Variants in BAIAP2 observed in about 807,000 individuals in gnomAD.
The protein encoded by BAIAP2 is BAR/IMD domain containing adaptor protein 2, also known as BAR/IMD domain-containing adapter protein 2.
In BAIAP2, 18 loss-of-function variants were observed where a neutral mutation model predicts 63.0. That is an observed-to-expected ratio of 0.29 (90% CI 0.20 to 0.42). BAIAP2 has a LOEUF of 0.42. Among genes scored for constraint, BAIAP2 ranks in the 10% least tolerant of loss-of-function variants. The pLI, the probability that BAIAP2 is intolerant of heterozygous loss-of-function variation, is 1.00. For synonymous variants in BAIAP2, 386 were observed against 307.6 expected, an observed-to-expected ratio of 1.25 and a Z score of -2.67; for missense variants, 610 against 734.3, an observed-to-expected ratio of 0.83 and a Z score of 1.96.
intron 1 of BAIAP2, chr17:81,053,350 C>T (rs1173173450): frequency 1.3e-5 from 4 of 307,774 alleles, no homozygotes; most frequent in African/African-American, 2.2e-5. Flanking sequence ...GGCAGCGGCG[C>T]GTCTGAGCGC....
chr17:81,109,612 G>A lies in BAIAP2; in HGVS notation c.1535+1103G>A, dbSNP rs1455379578. ...GTGCCAAGCTCGAGGGGCCTCCTGAGGAAGCCGGCCGCTCCTGTGAGGGAG... is the reference window on the plus strand; with the variant it reads ...GTGCCAAGCTCGAGGGGCCTCCTGAAGAAGCCGGCCGCTCCTGTGAGGGAG... On this transcript the variant is annotated intron_variant, in intron 13 of 13. Coordinates refer to ENST00000428708, the MANE Select transcript of BAIAP2 (RefSeq NM_001144888.2). The A allele has an allele frequency of 3.0e-6, 3 of 985,252 alleles. No homozygotes were observed. In the East Asian group the frequency reaches 3.4e-4, roughly 112 times the overall value. The allele number at this position is 985,252 out of a possible 1,614,324, so 61.0% of individuals were successfully genotyped here.
intron 3 of BAIAP2, among the ~76,000 whole-genome samples, chr17:81,061,558 GTGCGTGGTTATTCTGAGCTGCCTTCCTGC>G (rs760373757): frequency 2.6e-5 from 4 of 152,198 alleles, no homozygotes; most frequent in Non-Finnish European, 5.9e-5. Context: ...TTCCTCGGGT[GTGCGTGGTTATTCTGAGCTGCCTTCCTGC>G]TGCGCGCGTC....
intron 10 of BAIAP2, 53 bp downstream of exon 10, chr17:81,104,768 G>A: frequency 6.7e-7 from 1 of 1,499,930 alleles, no homozygotes; most frequent in African/African-American, 1.4e-5. Flanking sequence ...CAGCAAGTGT[G>A]TGGGGCAGCG....
At chr17:81,115,210 C>G (rs908025446) in intron 13 of BAIAP2, among the ~76,000 whole-genome samples, 4 of 152,258 alleles carry the variant, frequency 2.6e-5, no homozygotes, top group African/African-American at 9.6e-5. Flanking sequence ...GAACCACTGT[C>G]TGGCCCAGGG....
chr17:81,049,072 T>G (rs2048270802), intron 1 of BAIAP2, among the ~76,000 whole-genome samples: 2 of 152,146 alleles, frequency 1.3e-5, no homozygotes, highest in African/African-American at 4.8e-5. Context: ...GAACTGGAAG[T>G]CCGTGCCGGC....
At chr17:81,089,478 A>G (rs1350411382) in intron 6 of BAIAP2, among the ~76,000 whole-genome samples, 4 of 152,150 alleles carry the variant, frequency 2.6e-5, no homozygotes, top group African/African-American at 9.7e-5. Flanking sequence ...TGGCAACAGA[A>G]CTAAGGTGGC....
intron 1 of BAIAP2, among the ~76,000 whole-genome samples, chr17:81,051,517 A>G (rs1278618146): frequency 2.6e-5 from 4 of 152,184 alleles, no homozygotes; most frequent in Non-Finnish European, 5.9e-5. Context: ...CTCCTGCCTC[A>G]GGCTCCCAAG....
At chr17:81,064,851 C>G (rs1014934696) in intron 3 of BAIAP2, among the ~76,000 whole-genome samples, 2 of 152,242 alleles carry the variant, frequency 1.3e-5, no homozygotes, top group African/African-American at 4.8e-5. Context: ...AGTTAACTCT[C>G]AGGGCTTTGC....
intron 1 of BAIAP2, among the ~76,000 whole-genome samples, chr17:81,038,355 A>T (rs1598470625): frequency 1.3e-5 from 2 of 152,190 alleles, no homozygotes; most frequent in Non-Finnish European, 2.9e-5. Context: ...TCCGCAGAGA[A>T]GCCCTGGCTC....
rs1290799324 is a variant in BAIAP2 at position 81,046,997 on chromosome 17, G to T, written c.55-6671G>T. 6.6e-6 allele frequency among the ~76,000 whole-genome samples: 1 copy of T among 152,152 alleles called. No individual in the cohort carries two copies. Among genetic ancestry groups the T allele is most frequent in the African/African-American group, 2.4e-5 (1 of 41,432 alleles). ...GACAGAGGTGGAAGTGAGGGCGGTG[G>T]TCCAGTGGGCAACAGCGGCCTGGCC... On this transcript the variant is annotated intron_variant, in intron 1 of 13. Coordinates refer to ENST00000428708, the MANE Select transcript of BAIAP2 (RefSeq NM_001144888.2). The surrounding 1 kb of genome is among the most constrained non-coding windows in gnomAD (Gnocchi z 4.5).
intron 6 of BAIAP2, among the ~76,000 whole-genome samples, chr17:81,097,204 C>T (rs1305403390): frequency 6.6e-6 from 1 of 152,202 alleles, no homozygotes; most frequent in East Asian, 1.9e-4. Flanking sequence ...AGTAGCAAGC[C>T]CGTTGTTTTG....
At chr17:81,092,661 A>G (rs1206844295) in intron 6 of BAIAP2, among the ~76,000 whole-genome samples, 1 of 152,180 alleles carries the variant, frequency 6.6e-6, no homozygotes, top group Admixed American at 6.5e-5. Flanking sequence ...CTAGGACGGG[A>G]GAGCTTTACG....
At chr17:81,042,732 G>T (rs2047258519) in intron 1 of BAIAP2, among the ~76,000 whole-genome samples, 1 of 152,104 alleles carries the variant, frequency 6.6e-6, no homozygotes, top group Non-Finnish European at 1.5e-5. Context: ...TGGGGATGGT[G>T]GTGGGGGAGA....
intron 6 of BAIAP2, among the ~76,000 whole-genome samples, chr17:81,092,212 C>T (rs556172723): frequency 7.5e-4 from 114 of 152,390 alleles, no homozygotes; most frequent in Non-Finnish European, 4.7e-4. Context: ...CACCAGGCTC[C>T]TGGGAGCTGT....
At chr17:81,056,399 C>G (rs74745973) in intron 2 of BAIAP2, 4,091 of 152,310 alleles carry the variant, frequency 0.027, 73 homozygotes, top group South Asian at 0.07. Context: ...CTTCCTTTTT[C>G]CAGAGCCACT....
At chr17:81,106,436 C>T (rs547656820) in intron 11 of BAIAP2, among the ~76,000 whole-genome samples, 1 of 152,174 alleles carries the variant, frequency 6.6e-6, no homozygotes, top group Non-Finnish European at 1.5e-5. Flanking sequence ...TGTCCCAGGT[C>T]CTCCAGGTTC....
intron 3 of BAIAP2, among the ~76,000 whole-genome samples, chr17:81,073,717 C>T (rs1163410048): frequency 6.6e-5 from 10 of 152,162 alleles, no homozygotes; most frequent in Admixed American, 4.6e-4. Context: ...TCTTGTCACT[C>T]GCAGACTATA....
At chr17:81,098,601 T>C (rs1249209848) in intron 6 of BAIAP2, among the ~76,000 whole-genome samples, 1 of 152,192 alleles carries the variant, frequency 6.6e-6, no homozygotes, top group Non-Finnish European at 1.5e-5. Flanking sequence ...TCCGTCCTGG[T>C]GTGTTCAGAA....
intron 6 of BAIAP2, chr17:81,098,026 A>T: frequency 9.4e-7 from 1 of 1,058,434 alleles, no homozygotes; most frequent in Non-Finnish European, 1.2e-6. Context: ...GCTGTGCCAT[A>T]GGGCTGTGGT....
Sources: gnomAD v4.1 joint callset for allele counts (sites outside exome capture counted in the v4.1 genomes callset) on GRCh38, gnomAD v4.1.1 for gene constraint, Gnocchi (gnomAD v3.1) non-coding constraint, MANE v1.5 for transcripts, NCBI Gene and HGNC (gene_info 2026-07-23, HGNC 2026-07-21) for gene names.